Variants in LARGE1 observed in about 807,000 individuals in gnomAD.
LARGE1 encodes the protein LARGE xylosyl- and glucuronyltransferase 1.
In LARGE1, 43 loss-of-function variants were observed where a neutral mutation model predicts 87.6. That is an observed-to-expected ratio of 0.49 (90% CI 0.38 to 0.63). The LOEUF is 0.63. Among genes scored for constraint, LARGE1 ranks in the 30% least tolerant of loss-of-function variants. The pLI, the probability that LARGE1 is intolerant of heterozygous loss-of-function variation, is 0.00. For missense variants in LARGE1, 802 were observed against 1,000.2 expected, an observed-to-expected ratio of 0.80 and a Z score of 2.67; for synonymous variants, 434 against 394.6, an observed-to-expected ratio of 1.10 and a Z score of -1.18.
Position 33,701,170 on chromosome 22 carries a change from G to T in LARGE1, c.107-50502C>A, listed in dbSNP as rs144388697. ...GAGGGGAACGCAGGTGCTACAGGGAGAGTACCTGAAGATGCTTGGAAATGA... is the reference window on the plus strand; with the variant it reads ...GAGGGGAACGCAGGTGCTACAGGGATAGTACCTGAAGATGCTTGGAAATGA... On this transcript the variant is annotated intron_variant, in intron 2 of 14. Coordinates refer to ENST00000397394, the MANE Select transcript of LARGE1 (RefSeq NM_133642.5). 4.4e-3 allele frequency among the ~76,000 whole-genome samples: 672 copies of T among 152,268 alleles called. 4 individuals carry two copies. The highest frequency in any genetic ancestry group is 0.014 in the African/African-American group (594 of 41,538).
At chr22:33,293,513 C>T (rs1211982807) in intron 12 of LARGE1, among the ~76,000 whole-genome samples, 1 of 152,126 alleles carries the variant, frequency 6.6e-6, no homozygotes, top group East Asian at 1.9e-4. Flanking sequence ...TGTATTGGGA[C>T]CAAGTCTGTT....
At chr22:33,361,140 G>A (rs1224592580) in intron 9 of LARGE1, among the ~76,000 whole-genome samples, 1 of 149,204 alleles carries the variant, frequency 6.7e-6, no homozygotes, top group African/African-American at 2.5e-5. Context: ...AACCTGAGAG[G>A]TGGGGGTTAC....
Position 33,912,837 on chromosome 22 carries a change from GT to G in LARGE1, c.-83+7157del, listed in dbSNP as rs35195367. Reference sequence around the variant, plus strand: ...GAAGGAAGAACCAGCAGACAAGCATGTTTTTTTTTTTTTGAGACGAAGTCTC... The same window carrying G: ...GAAGGAAGAACCAGCAGACAAGCATGTTTTTTTTTTTTGAGACGAAGTCTC... On this transcript the variant is annotated intron_variant, in intron 1 of 14. Coordinates refer to ENST00000397394, the MANE Select transcript of LARGE1 (RefSeq NM_133642.5). Among the ~76,000 whole-genome samples, 461 of 143,684 alleles carry G rather than the reference GT, an allele frequency of 3.2e-3. 4 individuals carry two copies. The highest frequency in any genetic ancestry group is 0.011 in the African/African-American group (434 of 39,384). 94.3% of individuals were successfully genotyped at this position (143,684 alleles called of 152,430 possible).
At chr22:33,396,918 T>C (rs2065765967) in intron 7 of LARGE1, among the ~76,000 whole-genome samples, 1 of 152,236 alleles carries the variant, frequency 6.6e-6, no homozygotes, top group South Asian at 2.1e-4. Flanking sequence ...AGAGTACTTT[T>C]GTTTTTTGCT....
chr22:33,879,159 A>G (rs2064582854), intron 1 of LARGE1, among the ~76,000 whole-genome samples: 1 of 151,994 alleles, frequency 6.6e-6, no homozygotes, highest in South Asian at 2.1e-4. Context: ...TTTAGTAGAG[A>G]CAGGGTTTCT....
At chr22:33,593,238 T>C (rs2078893205) in intron 5 of LARGE1, among the ~76,000 whole-genome samples, 1 of 152,118 alleles carries the variant, frequency 6.6e-6, no homozygotes, top group African/African-American at 2.4e-5. Flanking sequence ...AGACGGGGTT[T>C]CGCCATGTTG....
intron 11 of LARGE1, among the ~76,000 whole-genome samples, chr22:33,247,529 A>T (rs987057440): frequency 1.3e-5 from 2 of 152,248 alleles, no homozygotes; most frequent in African/African-American, 2.4e-5. Context: ...CCAGAGACAC[A>T]TTCAACCAAA....
chr22:33,200,288 C>A (rs987639963), intron 11 of LARGE1, among the ~76,000 whole-genome samples: 5 of 152,106 alleles, frequency 3.3e-5, no homozygotes, highest in African/African-American at 4.8e-5. Context: ...CTATAAATCA[C>A]AATGAGATAT....
intron 4 of LARGE1, among the ~76,000 whole-genome samples, chr22:33,617,364 C>A (rs1303439405): frequency 6.6e-6 from 1 of 152,164 alleles, no homozygotes; most frequent in African/African-American, 2.4e-5. Flanking sequence ...TCAGCCAAAG[C>A]CTATGAGTCT....
chr22:33,487,718 T>G (rs1228158112), intron 6 of LARGE1, among the ~76,000 whole-genome samples: 3 of 152,128 alleles, frequency 2.0e-5, no homozygotes, highest in Non-Finnish European at 4.4e-5. Flanking sequence ...AAAATAAGAC[T>G]GCTTCTTGGC....
chr22:33,489,887 TG>T (rs1176181572), intron 6 of LARGE1, among the ~76,000 whole-genome samples: 1 of 152,148 alleles, frequency 6.6e-6, no homozygotes. Flanking sequence ...TAAGTGGACA[TG>T]AACAAGCGTA....
intron 2 of LARGE1, among the ~76,000 whole-genome samples, chr22:33,670,417 C>T (rs533561038): frequency 3.3e-5 from 5 of 151,694 alleles, no homozygotes; most frequent in South Asian, 2.1e-4. Flanking sequence ...AGCACCAAGA[C>T]GCTAGATTGA....
At position 33,540,423 on chromosome 22, in the gene LARGE1, T is replaced by C. The variant is rs111365421; in HGVS notation, c.787+24425A>G. Among the ~76,000 whole-genome samples the C allele has an allele frequency of 7.7e-3, 1,168 of 152,306 alleles. 21 individuals are homozygous for C. The highest frequency in any genetic ancestry group is 0.027 in the African/African-American group (1,108 of 41,570). ...CTTTTCTGGTATTTATGATGTTGGA[T>C]TGGATTTTGATCACTGTTTGAGCTC... On this transcript the variant is annotated intron_variant, in intron 6 of 14. Transcript: ENST00000397394.
chr22:33,430,351 G>A (rs1242007573), intron 7 of LARGE1, among the ~76,000 whole-genome samples: 2 of 152,144 alleles, frequency 1.3e-5, no homozygotes, highest in African/African-American at 2.4e-5. Flanking sequence ...ACCCATTATT[G>A]AAAAGAGTGA....
intron 11 of LARGE1, among the ~76,000 whole-genome samples, chr22:33,262,881 G>A (rs1249105554): frequency 1.8e-5 from 2 of 113,506 alleles, no homozygotes; most frequent in Admixed American, 2.1e-4. Context: ...CCTCCCCTCC[G>A]CTCGCCTCCC....
chr22:33,266,128 C>T (rs188179208), intron 11 of LARGE1, among the ~76,000 whole-genome samples: 2 of 143,944 alleles, frequency 1.4e-5, no homozygotes, highest in South Asian at 4.4e-4. Flanking sequence ...GGATAAAAAT[C>T]AGTAAGCAAG....
intron 1 of LARGE1, among the ~76,000 whole-genome samples, chr22:33,895,540 C>T (rs2065118960): frequency 6.6e-6 from 1 of 152,176 alleles, no homozygotes; most frequent in Non-Finnish European, 1.5e-5. Flanking sequence ...GCCGAATCCA[C>T]CTGCAAGCTC....
chr22:33,667,335 T>A (rs533595583), intron 2 of LARGE1, among the ~76,000 whole-genome samples: 1 of 152,358 alleles, frequency 6.6e-6, no homozygotes, highest in Non-Finnish European at 1.5e-5. Context: ...TCTAAGTATC[T>A]GATGGCTTAT....
At position 33,184,186 on chromosome 22, in the gene LARGE1, G is replaced by T. The variant is rs946569742; in HGVS notation, c.1731-17354C>A. On this transcript the variant is annotated intron_variant, in intron 11 of 11. Transcript: ENST00000608642. Reference sequence around the variant, plus strand: ...TTTAAAATAAAAAAATTGAAACTGTGTTGAGAGACACATGTTGAGCAGGGA... The same window carrying T: ...TTTAAAATAAAAAAATTGAAACTGTTTTGAGAGACACATGTTGAGCAGGGA... 2.7e-5 allele frequency among the ~76,000 whole-genome samples: 4 copies of T among 147,460 alleles called. No homozygotes were observed. In the East Asian group the frequency reaches 7.8e-4, roughly 29 times the overall value.
Sources: allele counts gnomAD v4.1 joint callset (sites outside exome capture counted in the v4.1 genomes callset), GRCh38; gene constraint gnomAD v4.1.1; transcripts MANE v1.5; gene names NCBI Gene and HGNC (gene_info 2026-07-23, HGNC 2026-07-21).